The following DLG5 variants were observed in gnomAD, a reference collection of about 807,000 sequenced individuals.
DLG5 encodes discs large MAGUK scaffold protein 5.
DLG5 carries 48 observed loss-of-function variants against 189.8 expected under a neutral mutation model. The observed-to-expected ratio is 0.25, with a 90% CI of 0.20 to 0.32. The LOEUF is 0.32. DLG5 is among the 10% of genes least tolerant of loss of function. The probability of loss-of-function intolerance (pLI) is 1.00; values close to 1 mark genes in which losing one functional copy is unlikely to be tolerated. For synonymous variants in DLG5, 1,016 were observed against 1,054.1 expected, an observed-to-expected ratio of 0.96 and a Z score of 0.70; for missense variants, 2,160 against 2,544.7, an observed-to-expected ratio of 0.85 and a Z score of 3.25.
At chr10:77,902,351 G>A (rs1845950661) in intron 1 of DLG5, among the ~76,000 whole-genome samples, 1 of 152,140 alleles carries the variant, frequency 6.6e-6, no homozygotes. Context: ...CCAGCAATTT[G>A]TATCAACAGC....
chr10:77,891,000 G>A (rs1186856726), intron 1 of DLG5, among the ~76,000 whole-genome samples: 1 of 152,144 alleles, frequency 6.6e-6, no homozygotes, highest in African/African-American at 2.4e-5. Flanking sequence ...CCCATTCCCA[G>A]GTGTTCCCAT....
At chr10:77,855,439 CT>C (rs1022597945) in intron 3 of DLG5, among the ~76,000 whole-genome samples, 2 of 152,316 alleles carry the variant, frequency 1.3e-5, no homozygotes, top group Admixed American at 1.3e-4. Flanking sequence ...GGTCAGCAAA[CT>C]TTTTTTGCAA....
intron 1 of DLG5, among the ~76,000 whole-genome samples, chr10:77,908,536 G>C (rs1016666709): frequency 6.6e-6 from 1 of 152,108 alleles, no homozygotes; most frequent in Admixed American, 6.5e-5. Context: ...CCTGCTGAGC[G>C]AATGCTCCAA....
At chr10:77,922,982 C>T (rs1846580392) in intron 1 of DLG5, among the ~76,000 whole-genome samples, 1 of 152,230 alleles carries the variant, frequency 6.6e-6, no homozygotes, top group Non-Finnish European at 1.5e-5. Flanking sequence ...CTTCCAGTTC[C>T]AGGCCCCACG....
intron 1 of DLG5, among the ~76,000 whole-genome samples, chr10:77,876,829 G>T (rs1845113773): frequency 6.6e-6 from 1 of 151,340 alleles, no homozygotes; most frequent in African/African-American, 2.4e-5. Flanking sequence ...ATCTGTGTGG[G>T]GTGGCAGGAA....
chr10:77,876,364 C>T (rs1845086798), intron 1 of DLG5, among the ~76,000 whole-genome samples: 1 of 145,198 alleles, frequency 6.9e-6, no homozygotes, highest in Non-Finnish European at 1.5e-5. Flanking sequence ...ATAGCAAGAC[C>T]CCATCTCTCT....
At position 77,835,720 on chromosome 10, in the gene DLG5, C is replaced by T; in HGVS notation, c.1622+18G>A. 1 of 1,597,314 alleles carries T rather than the reference C, an allele frequency of 6.3e-7. No individual in the cohort carries two copies. Among genetic ancestry groups the T allele is most frequent in the Non-Finnish European group, 8.5e-7 (1 of 1,171,660 alleles). On this transcript the variant is annotated intron_variant, in intron 8 of 31. Transcript: ENST00000372391. The stretch of plus-strand genomic sequence containing the variant: ...CTGGGGAGACGCAAGCCCACGCCAG[C>T]TTGAGGTCACCCCATACCGGATGCT...
At chr10:77,890,744 T>G (rs1845583293) in intron 1 of DLG5, among the ~76,000 whole-genome samples, 1 of 152,216 alleles carries the variant, frequency 6.6e-6, no homozygotes, top group Non-Finnish European at 1.5e-5. Flanking sequence ...CTGGAGTAGT[T>G]ATTCTGAGCT....
rs780040393 is a variant in DLG5 at position 77,833,975 on chromosome 10, G to A, written c.1687C>T (p.Arg563Cys). The A allele has an allele frequency of 3.7e-6, 6 of 1,607,662 alleles. No homozygotes were observed. Among genetic ancestry groups the A allele is most frequent in the Admixed American group, 1.7e-5 (1 of 59,972 alleles). ...RAVSELAEAL[R>C]SLDDTRKQKN... ...TGCTTGCGGGTGTCATCCAGGCTGC[G>A]CAGGGCCTCAGCCAGCTCGCTCACC... is the stretch of plus-strand genomic sequence containing the variant. Residue 563 changes from arginine (R) to cysteine (C), a missense_variant, in exon 9 of 32, where the codon CGC becomes TGC. This residue lies in a region of DLG5 where 664 missense variants were observed against 838.5 expected (regional missense o/e 0.79). Transcript: ENST00000372391.
At chr10:77,834,082 G>C (rs1375216609) in intron 8 of DLG5, 43 bp from the exon 9 acceptor site, 2 of 1,585,546 alleles carry the variant, frequency 1.3e-6, no homozygotes, top group East Asian at 4.5e-5. Context: ...AAGAGGCATG[G>C]GGAAGGGGGT....
intron 1 of DLG5, among the ~76,000 whole-genome samples, chr10:77,903,083 T>C (rs984397942): frequency 6.6e-6 from 1 of 152,234 alleles, no homozygotes; most frequent in Non-Finnish European, 1.5e-5. Flanking sequence ...GATGGTTCAA[T>C]GTACATACAC....
At chr10:77,799,634 T>C (rs935757450) in intron 27 of DLG5, among the ~76,000 whole-genome samples, 7 of 152,208 alleles carry the variant, frequency 4.6e-5, no homozygotes, top group Admixed American at 1.3e-4. Flanking sequence ...TTTTGAGATA[T>C]GCTCTTGCTT....
intron 1 of DLG5, among the ~76,000 whole-genome samples, chr10:77,873,195 G>A (rs1225688332): frequency 6.6e-6 from 1 of 152,080 alleles, no homozygotes; most frequent in Non-Finnish European, 1.5e-5. Context: ...GGACATGTGG[G>A]CCAGAGCGTG....
chr10:77,910,530 C>G (rs941823571), intron 1 of DLG5, among the ~76,000 whole-genome samples: 5 of 152,316 alleles, frequency 3.3e-5, no homozygotes, highest in Non-Finnish European at 5.9e-5. Context: ...GGATCTGAGA[C>G]TTCCCACCCA....
At position 77,822,083 on chromosome 10, in the gene DLG5, A is replaced by C; in HGVS notation, c.2401T>G (p.Ser801Ala). ...TCAAAAATGTTCTGGCCACTCCACG[A>C]GGAGCTCTGAGGGAATACCTAGGCA... ...SLLKVFPQSS[S>A]WSGQNIFENI... The change falls in exon 15 of 32, where the codon TCG (serine) becomes GCG (alanine). Residue 801 changes from serine (S) to alanine (A), a missense_variant. Ser to Ala is a moderately conservative substitution (Grantham distance 99, BLOSUM62 1). Transcript: ENST00000372391. 1 of 1,612,944 alleles carries C rather than the reference A, an allele frequency of 6.2e-7. No individual in the cohort carries two copies. Among genetic ancestry groups the C allele is most frequent in the Non-Finnish European group, 8.5e-7 (1 of 1,179,310 alleles).
At position 77,856,858 on chromosome 10, in the gene DLG5, G is replaced by A; in HGVS notation, c.408C>T (p.Leu136=). The change falls in exon 3 of 32, where the codon CTC becomes CTT. Residue 136 remains leucine (L), a synonymous_variant. Transcript: ENST00000372391. ...TCTCATTCACTTGCTGGTCAGTGAG[G>A]AGGGGTGGTGGGGACGGCGCCTTCC... The part of the protein sequence containing the change: ...TTGKAPSPPP[L]LTDQQVNEKV... The A allele has an allele frequency of 6.2e-7, 1 of 1,612,444 alleles. No individual in the cohort carries two copies. Among genetic ancestry groups the A allele is most frequent in the East Asian group, 2.2e-5 (1 of 44,878 alleles).
At chr10:77,844,246 C>T (rs1190410899) in intron 5 of DLG5, among the ~76,000 whole-genome samples, 2 of 152,118 alleles carry the variant, frequency 1.3e-5, no homozygotes, top group Non-Finnish European at 2.9e-5. Context: ...GAGGCCAGCA[C>T]TTCTTGTGTG....
At chr10:77,888,228 G>C (rs991390858) in intron 1 of DLG5, among the ~76,000 whole-genome samples, 3 of 152,202 alleles carry the variant, frequency 2.0e-5, no homozygotes, top group Non-Finnish European at 4.4e-5. Context: ...AGTGCAGGGA[G>C]AGCAGAATGA....
Position 77,821,860 on chromosome 10 carries a change from C to T in DLG5, c.2624G>A (p.Gly875Glu). Residue 875 changes from glycine (G) to glutamate (E), a missense_variant, in exon 15 of 32, where the codon GGA (glycine) becomes GAA (glutamate). By Grantham distance (98) the Gly-to-Glu change is moderately conservative. Around this residue, in one of 5 missense-constraint regions of DLG5, gnomAD observed 754 missense variants for 746.5 expected, o/e 1.01. Coordinates refer to ENST00000372391, the MANE Select transcript of DLG5 (RefSeq NM_004747.4). ...GGCCTGGGGGCAGACCTGCAAGGGTCCCCCAGGGAATGGCTTATGCAGAAA... is the reference window on the plus strand; with the variant it reads ...GGCCTGGGGGCAGACCTGCAAGGGTTCCCCAGGGAATGGCTTATGCAGAAA... ...SSFLHKPFPG[G>E]PLQVCPQACP... The T allele has an allele frequency of 3.1e-6, 5 of 1,613,988 alleles. No individual in the cohort carries two copies. Among genetic ancestry groups the T allele is most frequent in the South Asian group, 1.1e-5 (1 of 91,082 alleles).
Sources: gnomAD v4.1 joint callset for allele counts (sites outside exome capture counted in the v4.1 genomes callset) on GRCh38, gnomAD v4.1.1 for gene constraint, gnomAD v4.1.1 regional missense constraint, MANE v1.5 for transcripts, NCBI Gene and HGNC (gene_info 2026-07-23, HGNC 2026-07-21) for gene names.